CTNNA2: variants seen among roughly 807,000 people sequenced by gnomAD.
CTNNA2 encodes the protein catenin alpha-2.
A neutral mutation model predicts 101.0 loss-of-function variants in CTNNA2; 42 were observed. The observed-to-expected ratio is 0.42, with a 90% CI of 0.32 to 0.54. CTNNA2 has a LOEUF of 0.54. CTNNA2 is among the 20% of genes least tolerant of loss of function. The pLI, the probability that CTNNA2 is intolerant of heterozygous loss-of-function variation, is 0.14. For missense variants in CTNNA2, 871 were observed against 1,223.1 expected, an observed-to-expected ratio of 0.71 and a Z score of 4.29; for synonymous variants, 450 against 456.4, an observed-to-expected ratio of 0.99 and a Z score of 0.18.
intron 3 of CTNNA2, among the ~76,000 whole-genome samples, chr2:79,751,847 T>C (rs1294669515): frequency 6.6e-6 from 1 of 152,028 alleles, no homozygotes; most frequent in African/African-American, 2.4e-5. Context: ...GATCATAATA[T>C]CAAGGGAAAT....
rs189305369 is a variant in CTNNA2, at chr2:79,720,216, T to C, written c.103-24171T>C. Among the ~76,000 whole-genome samples the C allele has an allele frequency of 2.0e-4, 31 of 152,250 alleles. 1 individual carries two copies. The highest frequency in any genetic ancestry group is 4.6e-4 in the Admixed American group (7 of 15,290). ...TCAGATGATTGTAAGTGTGCCATTT[T>C]ATTTTGGAGTTTTCTATTCTGTTCC... On this transcript the variant is annotated intron_variant, in intron 2 of 18. Transcript: ENST00000402739.
chr2:79,637,174 T>C (rs1015971202), intron 1 of CTNNA2, among the ~76,000 whole-genome samples: 13 of 152,086 alleles, frequency 8.5e-5, no homozygotes, highest in Non-Finnish European at 1.8e-4. Context: ...AGTAGGATGG[T>C]GAAGGATATA....
At chr2:80,511,735 A>C (rs1401737022) in intron 9 of CTNNA2, among the ~76,000 whole-genome samples, 1 of 152,216 alleles carries the variant, frequency 6.6e-6, no homozygotes, top group Non-Finnish European at 1.5e-5. Flanking sequence ...ATTGTGTCCA[A>C]GGTCAAATTT....
At chr2:79,187,274 T>TCTTTC (rs1230248088) in intron 1 of CTNNA2, among the ~76,000 whole-genome samples, 2 of 134,474 alleles carry the variant, frequency 1.5e-5, no homozygotes, top group Non-Finnish European at 3.2e-5. Context: ...TCTTTTCTTT[T>TCTTTC]TTTTTTTTTT....
intron 7 of CTNNA2, among the ~76,000 whole-genome samples, chr2:80,369,168 C>T (rs1169059255): frequency 6.6e-6 from 1 of 152,060 alleles, no homozygotes; most frequent in Non-Finnish European, 1.5e-5. Flanking sequence ...ATCCCACCAT[C>T]TTATTCTTAT....
At chr2:79,454,864 G>C (rs1670798781) in intron 4 of CTNNA2, among the ~76,000 whole-genome samples, 1 of 152,204 alleles carries the variant, frequency 6.6e-6, no homozygotes, top group Non-Finnish European at 1.5e-5. Context: ...AGGCAGACCT[G>C]TGAATATATG....
chr2:79,444,331 T>C (rs1028422954), intron 4 of CTNNA2, among the ~76,000 whole-genome samples: 1 of 152,132 alleles, frequency 6.6e-6, no homozygotes, highest in Non-Finnish European at 1.5e-5. Flanking sequence ...AATACAAATA[T>C]TCTATAGGAA....
rs575858693 is a variant in CTNNA2 at position 79,227,865 on chromosome 2, A to G, written c.-406+29789A>G. On this transcript the variant is annotated intron_variant, in intron 2 of 21. Transcript: ENST00000466387. ...TCCCAAAGATCTTACCACCCAGGCC[A>G]TAAGCATAGTACCCACCAAGTGGTT... 6.6e-5 allele frequency among the ~76,000 whole-genome samples: 10 copies of G among 152,284 alleles called. No homozygotes were observed. In the East Asian group the frequency reaches 7.7e-4, roughly 12 times the overall value.
intron 4 of CTNNA2, among the ~76,000 whole-genome samples, chr2:79,454,605 G>T (rs1237914619): frequency 6.6e-6 from 1 of 152,108 alleles, no homozygotes; most frequent in Non-Finnish European, 1.5e-5. Context: ...GGTAACTTTG[G>T]ATCTCTCTTT....
intron 7 of CTNNA2, among the ~76,000 whole-genome samples, chr2:80,306,411 T>TC (rs1489075920): frequency 3.7e-5 from 5 of 134,014 alleles, no homozygotes; most frequent in African/African-American, 1.4e-4. Context: ...TTTCTTTCTT[T>TC]CTTTCTTTCT....
At chr2:79,200,031 CAGAGAG>C (rs10649485) in intron 2 of CTNNA2, among the ~76,000 whole-genome samples, 27 of 149,922 alleles carry the variant, frequency 1.8e-4, no homozygotes, top group African/African-American at 5.4e-4. Context: ...GAGAATGAGA[CAGAGAG>C]AGAGAGAGAG....
rs1161824751 is a variant in CTNNA2 at position 79,831,083 on chromosome 2, T to C, written c.299-26930T>C. Among the ~76,000 whole-genome samples, 3 of 152,124 alleles carry C rather than the reference T, an allele frequency of 2.0e-5. No individual in the cohort carries two copies. The East Asian group carries it at 5.8e-4, about 29-fold the overall frequency. On this transcript the variant is annotated intron_variant, in intron 3 of 18. Coordinates refer to ENST00000402739, the MANE Select transcript of CTNNA2 (RefSeq NM_001282597.3). The stretch of plus-strand genomic sequence containing the variant: ...CATAATTTTGAAAACCATAAATTAC[T>C]GTCATTTTGATCAATACAAACTTCG...
intron 8 of CTNNA2, among the ~76,000 whole-genome samples, chr2:80,400,733 A>G (rs1678474446): frequency 6.6e-6 from 1 of 152,126 alleles, no homozygotes; most frequent in Middle Eastern, 3.2e-3. Flanking sequence ...ATTCAATCCA[A>G]TTGATACCAC....
At chr2:79,289,227 G>A (rs2104370771) in intron 2 of CTNNA2, among the ~76,000 whole-genome samples, 1 of 152,308 alleles carries the variant, frequency 6.6e-6, no homozygotes, top group South Asian at 2.1e-4. Flanking sequence ...CTGAGGTGAA[G>A]AGGATGATAT....
intron 7 of CTNNA2, among the ~76,000 whole-genome samples, chr2:80,322,710 T>C (rs1312234157): frequency 6.6e-6 from 1 of 152,136 alleles, no homozygotes. Flanking sequence ...GCCTTGTCCA[T>C]TATCCAAAAC....
intron 7 of CTNNA2, among the ~76,000 whole-genome samples, chr2:80,065,232 T>TG (rs930193101): frequency 1.3e-5 from 2 of 151,918 alleles, no homozygotes; most frequent in Non-Finnish European, 2.9e-5. Context: ...TCTGGGGACC[T>TG]GGGGGGAGAT....
At chr2:80,138,210 G>A (rs547726877) in intron 7 of CTNNA2, among the ~76,000 whole-genome samples, 2 of 152,176 alleles carry the variant, frequency 1.3e-5, no homozygotes, top group East Asian at 3.9e-4. Context: ...GATCTGATAT[G>A]GCTCCTTTGC....
chr2:79,714,107 C>A (rs1030996330), intron 2 of CTNNA2, among the ~76,000 whole-genome samples: 1 of 152,124 alleles, frequency 6.6e-6, no homozygotes, highest in South Asian at 2.1e-4. Context: ...TAGCATACAG[C>A]CTTGCCTTTC....
intron 4 of CTNNA2, among the ~76,000 whole-genome samples, chr2:79,412,186 A>G (rs1053013534): frequency 2.0e-5 from 3 of 152,194 alleles, no homozygotes; most frequent in African/African-American, 4.8e-5. Flanking sequence ...ATTCAACAAG[A>G]AGAGCTAACT....
Sources: gnomAD v4.1 joint callset for allele counts (sites outside exome capture counted in the v4.1 genomes callset) on GRCh38, gnomAD v4.1.1 for gene constraint, MANE v1.5 for transcripts, NCBI Gene and HGNC (gene_info 2026-07-23, HGNC 2026-07-21) for gene names.